TNNT2: variants seen among roughly 807,000 people sequenced by gnomAD.
TNNT2 encodes troponin T, cardiac muscle.
In TNNT2, 34 loss-of-function variants were observed where a neutral mutation model predicts 62.4. The observed-to-expected ratio is 0.54, with a 90% CI of 0.41 to 0.72. The LOEUF (loss-of-function observed/expected upper bound fraction) is 0.72. Among genes scored for constraint, TNNT2 ranks in the 30% least tolerant of loss-of-function variants. TNNT2 has a pLI of 0.00. For missense variants in TNNT2, 275 were observed against 381.9 expected (o/e 0.72, Z 2.33); for synonymous variants, 123 against 127.2 (o/e 0.97, Z 0.22).
chr1:201,366,166 T>C, intron 8 of TNNT2: 1 of 1,052,016 alleles, frequency 9.5e-7, no homozygotes, highest in Non-Finnish European at 1.1e-6. Context: ...TGTGTGGAGC[T>C]GAAATGAGAT....
rs138604711 is a variant in TNNT2, at chr1:201,362,423, C to T, written c.601-29G>A. The T allele has an allele frequency of 1.0e-3, 1,615 of 1,613,040 alleles. 1 individual carries two copies. Among genetic ancestry groups the T allele is most frequent in the South Asian group, 1.4e-3 (129 of 90,746 alleles). Reference sequence around the variant, plus strand: ...AACCGGGAAACCATGAGAGAGAGGCCCATAGAAAAAGACCAAGACGGCAAC... The same window carrying T: ...AACCGGGAAACCATGAGAGAGAGGCTCATAGAAAAAGACCAAGACGGCAAC... On this transcript the variant is annotated intron_variant, in intron 12 of 16. Coordinates refer to ENST00000656932, the MANE Select transcript of TNNT2 (RefSeq NM_001276345.2).
chr1:201,376,658 G>C (rs932680903), intron 1 of TNNT2, among the ~76,000 whole-genome samples: 9 of 152,058 alleles, frequency 5.9e-5, no homozygotes, highest in Admixed American at 5.9e-4. Context: ...GTAGCTTCCC[G>C]GCTACAGCAG....
intron 1 of TNNT2, among the ~76,000 whole-genome samples, chr1:201,376,754 C>T (rs1285338368): frequency 1.3e-5 from 2 of 152,170 alleles, no homozygotes; most frequent in Non-Finnish European, 2.9e-5. Flanking sequence ...AACTAGAAAC[C>T]AAGGGAATCT....
At chr1:201,366,364 C>T (rs1571635666) in intron 8 of TNNT2, 4 of 40,330 alleles carry the variant, frequency 9.9e-5, no homozygotes, top group Non-Finnish European at 1.2e-4. Flanking sequence ...TATCCCCCAG[C>T]CCCCCCCAGC....
At position 201,365,196 on chromosome 1, in the gene TNNT2, T is replaced by A. The variant is rs786204405; in HGVS notation, c.406A>T (p.Arg136Trp). 2 of 1,612,698 alleles carry A rather than the reference T, an allele frequency of 1.2e-6. No individual in the cohort carries two copies. Among genetic ancestry groups the A allele is most frequent in the South Asian group, 2.2e-5 (2 of 91,060 alleles). The part of the protein sequence containing the change: ...EEEELVSLKD[R>W]IERRRAERAE... ...TGGGCAGACTGGACACCTACGATCC[T>A]GTCTTTGAGAGAAACGAGCTCCTCC... Residue 136 changes from arginine to tryptophan, a missense_variant, in exon 10 of 17, where the codon AGG (arginine) becomes TGG (tryptophan). Physicochemically the swap from Arg to Trp is moderately radical, Grantham distance 101. Transcript: ENST00000656932.
chr1:201,368,019 C>A, intron 6 of TNNT2, 143 bp downstream of exon 6: 1 of 1,013,342 alleles, frequency 9.9e-7, no homozygotes, highest in South Asian at 1.3e-5. Flanking sequence ...GTTGATTGGG[C>A]AATCAATGGT....
chr1:201,372,226 A>C, intron 2 of TNNT2, 71 bp from the exon 3 acceptor site: 1 of 1,602,972 alleles, frequency 6.2e-7, no homozygotes, highest in Non-Finnish European at 8.5e-7. Flanking sequence ...CTGCACACAC[A>C]TGCACACACT....
intron 5 of TNNT2, among the ~76,000 whole-genome samples, chr1:201,368,890 G>GTTGGGT (rs1660147111): frequency 2.0e-5 from 3 of 152,180 alleles, no homozygotes; most frequent in Non-Finnish European, 4.4e-5. Context: ...CCTCAGACAG[G>GTTGGGT]AGGAAGACAC....
At position 201,366,987 on chromosome 1, in the gene TNNT2, C is replaced by G. The variant is rs763813585; in HGVS notation, c.200-116G>C. The G allele has an allele frequency of 1.9e-5, 29 of 1,562,684 alleles. No individual in the cohort carries two copies. In the African/African-American group the frequency reaches 2.7e-4, roughly 15 times the overall value. ...CCATTTCCCCATCTGCACAGTGAGT[C>G]CCTCCCGGCACTGGGGAGCCCTGAT... On this transcript the variant is annotated intron_variant, in intron 7 of 16. Transcript: ENST00000656932.
chr1:201,368,135 C>T (rs1274945011), intron 6 of TNNT2, 27 bp downstream of exon 6: 1 of 1,612,490 alleles, frequency 6.2e-7, no homozygotes, highest in African/African-American at 1.3e-5. Flanking sequence ...CCCCCTGAGG[C>T]CCCTGCACCC....
intron 4 of TNNT2, among the ~76,000 whole-genome samples, chr1:201,371,554 G>A (rs749701667): frequency 2.6e-5 from 4 of 152,102 alleles, no homozygotes; most frequent in African/African-American, 7.2e-5. Context: ...ACGGTGTAGC[G>A]AAATCTTGAA....
chr1:201,369,186 G>A, intron 5 of TNNT2: 1 of 433,724 alleles, frequency 2.3e-6, no homozygotes. Flanking sequence ...CCAAGGATGG[G>A]GAGCTTACTG....
At chr1:201,367,234 G>C (rs1659829175) in intron 7 of TNNT2, 1 of 423,708 alleles carries the variant, frequency 2.4e-6, no homozygotes, top group African/African-American at 2.0e-5. Context: ...TCCCCTCCCA[G>C]GTCTTTGCCT....
intron 7 of TNNT2, 27 bp downstream of exon 7, chr1:201,367,744 C>T (rs779975390): frequency 1.9e-6 from 3 of 1,613,986 alleles, no homozygotes; most frequent in East Asian, 2.2e-5. Flanking sequence ...CTTTGCCTCC[C>T]TTGTACCTCT....
At chr1:201,366,107 T>G (rs2102268619) in intron 8 of TNNT2, 1 of 1,102,454 alleles carries the variant, frequency 9.1e-7, no homozygotes, top group Non-Finnish European at 1.1e-6. Flanking sequence ...CAACACATAC[T>G]GAGACCCAGG....
chr1:201,376,018 G>T (rs1661349940), intron 1 of TNNT2, among the ~76,000 whole-genome samples: 1 of 152,234 alleles, frequency 6.6e-6, no homozygotes, highest in African/African-American at 2.4e-5. Context: ...CTGATGCAGG[G>T]GAAAGAGGTG....
intron 15 of TNNT2, 153 bp downstream of exon 15, chr1:201,361,126 G>GA: frequency 1.3e-6 from 1 of 796,064 alleles, no homozygotes; most frequent in Non-Finnish European, 2.2e-6. Context: ...GAACACTGCT[G>GA]AAGGCCAGGC....
chr1:201,370,338 G>C (rs574463131), intron 4 of TNNT2, among the ~76,000 whole-genome samples: 1 of 152,298 alleles, frequency 6.6e-6, no homozygotes, highest in South Asian at 2.1e-4. Flanking sequence ...ACTATGTCCA[G>C]TTTCCAGGAG....
chr1:201,368,622 CTG>C (rs1335509478), intron 5 of TNNT2, among the ~76,000 whole-genome samples: 16 of 152,356 alleles, frequency 1.1e-4, no homozygotes, highest in Admixed American at 3.3e-4. Context: ...AAGAGTACGA[CTG>C]TGTGGCTGGA....
Sources: allele counts gnomAD v4.1 joint callset (sites outside exome capture counted in the v4.1 genomes callset), GRCh38; gene constraint gnomAD v4.1.1; transcripts MANE v1.5; gene names NCBI Gene and HGNC (gene_info 2026-07-23, HGNC 2026-07-21).